FAM219A: variants seen among roughly 807,000 people sequenced by gnomAD.
FAM219A encodes family with sequence similarity 219 member A, also known as protein FAM219A.
Under a neutral mutation model 23.4 loss-of-function variants are expected in FAM219A, and 7 were observed. The observed-to-expected ratio is 0.30, with a 90% CI of 0.17 to 0.56. FAM219A has a LOEUF of 0.56. Among genes scored for constraint, FAM219A ranks in the 20% least tolerant of loss-of-function variants. FAM219A has a pLI of 0.92. For synonymous variants in FAM219A, 93 were observed against 99.0 expected (o/e 0.94, Z 0.36); for missense variants, 166 against 246.9 (o/e 0.67, Z 2.20).
In FAM219A at chr9:34,398,390, A is replaced by G. The variant is rs775018731; in HGVS notation, c.*2574T>C. 8.1e-5 allele frequency: 125 copies of G among 1,549,914 alleles called. 3 individuals are homozygous for G. In the South Asian group the frequency reaches 1.4e-3, roughly 17 times the overall value. On this transcript the variant is annotated 3_prime_UTR_variant, in exon 6 of 6. Transcript: ENST00000651358. ...AGAGAGGAGGGAGTGTTAAGGCAGT[A>G]TCTACAAGGGGAAGGGTGGCAGGAG...
At chr9:34,403,689 A>G (rs1432742045) in intron 2 of FAM219A, among the ~76,000 whole-genome samples, 1 of 151,866 alleles carries the variant, frequency 6.6e-6, no homozygotes, top group Non-Finnish European at 1.5e-5. Flanking sequence ...AGTCCCATCT[A>G]CTCTTCCCTA....
At chr9:34,441,570 A>C (rs1482628218) in intron 1 of FAM219A, among the ~76,000 whole-genome samples, 2 of 152,194 alleles carry the variant, frequency 1.3e-5, no homozygotes, top group Non-Finnish European at 2.9e-5. Context: ...TAAAGGAGAG[A>C]GGGCCCGAGA....
At chr9:34,421,009 T>TGTGAGAGAGA (rs1554677406) in intron 1 of FAM219A, among the ~76,000 whole-genome samples, 5,001 of 86,204 alleles carry the variant, frequency 0.058, 232 homozygotes, top group Non-Finnish European at 0.084. Context: ...TGTGTGTGTG[T>TGTGAGAGAGA]GAGAGAGAGA....
intron 1 of FAM219A, among the ~76,000 whole-genome samples, chr9:34,440,313 C>T (rs1340240866): frequency 6.6e-6 from 1 of 152,152 alleles, no homozygotes; most frequent in Non-Finnish European, 1.5e-5. Flanking sequence ...CTCCCATGGG[C>T]AGGGAACCAG....
intron 1 of FAM219A, among the ~76,000 whole-genome samples, chr9:34,453,609 C>T (rs1234035667): frequency 6.6e-6 from 1 of 152,316 alleles, no homozygotes; most frequent in Middle Eastern, 3.4e-3. Flanking sequence ...TGCTCGTGAA[C>T]TAAACAAATG....
At position 34,400,973 on chromosome 9, in the gene FAM219A, G is replaced by C. The variant is rs1365261212; in HGVS notation, c.549C>G (p.His183Gln). The change falls in exon 6 of 6, where the codon CAC becomes CAG. Residue 183 changes from histidine (H) to glutamine (Q), a missense_variant. Physicochemically the swap from His to Gln is conservative, Grantham distance 24. This residue lies in a region of FAM219A where 72 missense variants were observed against 131.0 expected (regional missense o/e 0.55). Coordinates refer to ENST00000651358, the MANE Select transcript of FAM219A (RefSeq NM_001184940.2). ...CCQATSSTAC[H>Q]IQ The stretch of plus-strand genomic sequence containing the variant: ...GCAGTGGCCCCGCCCGCTACTGAAT[G>C]TGGCAGGCGGTGGAGGACGTGGCCT... The C allele has an allele frequency of 6.5e-7, 1 of 1,544,308 alleles. No homozygotes were observed. Among genetic ancestry groups the C allele is most frequent in the South Asian group, 1.2e-5 (1 of 82,204 alleles).
At chr9:34,410,583 T>C (rs62559872) in intron 1 of FAM219A, among the ~76,000 whole-genome samples, 19,913 of 152,208 alleles carry the variant, frequency 0.13, 1,325 homozygotes, top group South Asian at 0.15. Context: ...CTGATTCTCA[T>C]AAGTACCCAG....
rs116648745 is a variant in FAM219A, at chr9:34,421,315, G to A, written c.61-15351C>T. 8.4e-3 allele frequency among the ~76,000 whole-genome samples: 1,272 copies of A among 152,164 alleles called. 24 individuals are homozygous for A. Among genetic ancestry groups the A allele is most frequent in the African/African-American group, 0.025 (1,020 of 41,498 alleles). On this transcript the variant is annotated intron_variant, in intron 1 of 5. Coordinates refer to ENST00000651358, the MANE Select transcript of FAM219A (RefSeq NM_001184940.2). ...AGCTGGGGGTACAGAGGTAAGGAGG[G>A]GAGATTGTAGAGTAACACCAACTCA...
intron 2 of FAM219A, among the ~76,000 whole-genome samples, 185 bp from the exon 3 acceptor site, chr9:34,402,992 G>A (rs1483332441): frequency 6.6e-6 from 1 of 152,200 alleles, no homozygotes; most frequent in African/African-American, 2.4e-5. Flanking sequence ...ACAACCTGAG[G>A]CAGACAGTGG....
At chr9:34,402,571 C>A in intron 3 of FAM219A, 104 bp from the exon 4 acceptor site, 3 of 1,563,716 alleles carry the variant, frequency 1.9e-6, no homozygotes, top group Non-Finnish European at 2.6e-6. Flanking sequence ...TCCCTCCCCA[C>A]CTTGGATCCT....
intron 1 of FAM219A, among the ~76,000 whole-genome samples, chr9:34,443,766 C>T (rs1823270116): frequency 6.6e-6 from 1 of 152,102 alleles, no homozygotes; most frequent in Non-Finnish European, 1.5e-5. Flanking sequence ...TCCTAATTTC[C>T]CCACCCCCTC....
intron 1 of FAM219A, among the ~76,000 whole-genome samples, chr9:34,445,958 TG>T (rs1254645151): frequency 3.9e-5 from 6 of 152,258 alleles, no homozygotes; most frequent in Admixed American, 3.9e-4. Context: ...GAAGATCACT[TG>T]AAGTCAGGAG....
chr9:34,411,387 C>T (rs1290073879), intron 1 of FAM219A, among the ~76,000 whole-genome samples: 1 of 151,216 alleles, frequency 6.6e-6, no homozygotes, highest in African/African-American at 2.4e-5. Context: ...GAGACCCTGT[C>T]TTTAAAAATA....
chr9:34,435,414 T>C lies in FAM219A; in HGVS notation c.60+22790A>G, dbSNP rs149164072. On this transcript the variant is annotated intron_variant, in intron 1 of 5. Coordinates refer to ENST00000651358, the MANE Select transcript of FAM219A (RefSeq NM_001184940.2). ...AGTCAAAGATCATGATTTTTGACCA[T>C]TTGTTTCCCCAAATAGAAAAAAATT... Among the ~76,000 whole-genome samples the C allele has an allele frequency of 9.0e-3, 1,376 of 152,116 alleles. 28 individuals carry two copies. The highest frequency in any genetic ancestry group is 0.031 in the African/African-American group (1,271 of 41,490).
At chr9:34,401,252 G>A (rs1299925795) in intron 5 of FAM219A, 130 bp from the exon 6 acceptor site, 1 of 1,180,852 alleles carries the variant, frequency 8.5e-7, no homozygotes, top group Non-Finnish European at 1.2e-6. Context: ...CCTGTCCCGG[G>A]TCTGTCTGTA....
chr9:34,414,617 G>C (rs1416011612), intron 1 of FAM219A, among the ~76,000 whole-genome samples: 3 of 152,224 alleles, frequency 2.0e-5, no homozygotes, highest in Non-Finnish European at 4.4e-5. Flanking sequence ...GGTCTTTGTG[G>C]GAGATCTGGA....
intron 1 of FAM219A, among the ~76,000 whole-genome samples, chr9:34,441,206 A>C (rs1823161391): frequency 6.6e-6 from 1 of 152,248 alleles, no homozygotes; most frequent in Non-Finnish European, 1.5e-5. Flanking sequence ...GAAACAAGTA[A>C]GACCCTCCTC....
chr9:34,447,035 C>T (rs1346989848), intron 1 of FAM219A, among the ~76,000 whole-genome samples: 1 of 152,236 alleles, frequency 6.6e-6, no homozygotes, highest in African/African-American at 2.4e-5. Flanking sequence ...CTACCTTCTC[C>T]AATCACACAG....
intron 1 of FAM219A, among the ~76,000 whole-genome samples, chr9:34,455,824 C>T (rs887049036): frequency 1.5e-4 from 23 of 152,202 alleles, no homozygotes; most frequent in South Asian, 2.1e-4. Context: ...GGTCAGGAAG[C>T]GGGGCAATGT....
Sources: gnomAD v4.1 joint callset for allele counts (sites outside exome capture counted in the v4.1 genomes callset) on GRCh38, gnomAD v4.1.1 for gene constraint, gnomAD v4.1.1 regional missense constraint, MANE v1.5 for transcripts, NCBI Gene and HGNC (gene_info 2026-07-23, HGNC 2026-07-21) for gene names.